Variants in SECISBP2L observed in about 807,000 individuals in gnomAD.
The protein encoded by SECISBP2L is selenocysteine insertion sequence-binding protein 2-like.
In SECISBP2L, 43 loss-of-function variants were observed where a neutral mutation model predicts 114.7. That is an observed-to-expected ratio of 0.38 (90% CI 0.29 to 0.48). The LOEUF (loss-of-function observed/expected upper bound fraction) is 0.48. Among genes scored for constraint, SECISBP2L ranks in the 20% least tolerant of loss-of-function variants. The pLI, the probability that SECISBP2L is intolerant of heterozygous loss-of-function variation, is 0.98. For synonymous variants in SECISBP2L, 451 were observed against 439.7 expected, an observed-to-expected ratio of 1.03 and a Z score of -0.32; for missense variants, 1,136 against 1,301.1, an observed-to-expected ratio of 0.87 and a Z score of 1.95.
chr15:49,027,669 C>T (rs1391668620), intron 6 of SECISBP2L, among the ~76,000 whole-genome samples, 189 bp from the exon 7 acceptor site: 3 of 148,690 alleles, frequency 2.0e-5, no homozygotes, highest in African/African-American at 7.5e-5. Flanking sequence ...AGTGCAGTGG[C>T]GAGATCTTGG....
chr15:49,044,685 A>G (rs1483063161), intron 1 of SECISBP2L, among the ~76,000 whole-genome samples: 2 of 152,208 alleles, frequency 1.3e-5, no homozygotes, highest in East Asian at 1.9e-4. Flanking sequence ...CAAGGTTTTA[A>G]TAGGTCGTGG....
intron 15 of SECISBP2L, 107 bp downstream of exon 15, chr15:49,000,770 G>GC: frequency 1.1e-6 from 1 of 871,818 alleles, no homozygotes; most frequent in Non-Finnish European, 1.7e-6. Flanking sequence ...CTCCAATATT[G>GC]TTTTATACCT....
rs1901986416 is a variant in SECISBP2L, at chr15:48,991,989, CTTCTTT to C, written c.*249_*254del. On this transcript the variant is annotated 3_prime_UTR_variant, in exon 18 of 18. Transcript: ENST00000559471. ...AAATTTATTTTCTTTAAGATCTGGT[CTTCTTT>C]TTATCACTGTTTTTGATTACAAAAT... 2.8e-6 allele frequency: 1 copy of C among 358,866 alleles called. No individual in the cohort carries two copies. The highest frequency in any genetic ancestry group is 5.0e-6 in the Non-Finnish European group (1 of 200,004). 22.2% of individuals were successfully genotyped at this position (358,866 alleles called of 1,614,324 possible).
intron 9 of SECISBP2L, 41 bp from the exon 10 acceptor site, chr15:49,017,056 A>T (rs770601517): frequency 6.3e-7 from 1 of 1,592,974 alleles, no homozygotes; most frequent in South Asian, 1.1e-5. Flanking sequence ...GTGATCCCAT[A>T]AAAGTCAATC....
chr15:49,035,684 A>T, intron 2 of SECISBP2L, 26 bp from the exon 3 acceptor site: 1 of 1,577,646 alleles, frequency 6.3e-7, no homozygotes, highest in Non-Finnish European at 8.6e-7. Context: ...AAAGAAGAAC[A>T]AATCTATTGA....
intron 11 of SECISBP2L, among the ~76,000 whole-genome samples, chr15:49,013,462 A>G (rs963584236): frequency 8.6e-5 from 13 of 152,006 alleles, no homozygotes; most frequent in African/African-American, 3.1e-4. Flanking sequence ...ACGCCCAGCT[A>G]ATTTTGGTAT....
intron 14 of SECISBP2L, among the ~76,000 whole-genome samples, chr15:49,002,596 T>G (rs942498564): frequency 1.3e-5 from 2 of 152,208 alleles, no homozygotes; most frequent in African/African-American, 4.8e-5. Context: ...TTTTATGTTT[T>G]AAGCCATTAA....
Position 49,011,778 on chromosome 15 carries a change from T to G in SECISBP2L, c.1817A>C (p.His606Pro). 6 of 1,614,104 alleles carry G rather than the reference T, an allele frequency of 3.7e-6. No individual in the cohort carries two copies. The highest frequency in any genetic ancestry group is 5.1e-6 in the Non-Finnish European group (6 of 1,179,982). The change falls in exon 13 of 18, where the codon CAC (histidine) becomes CCC (proline). Residue 606 changes from histidine to proline, a missense_variant. Physicochemically the swap from His to Pro is moderately conservative, Grantham distance 77. Around this residue, in one of 2 missense-constraint regions of SECISBP2L, gnomAD observed 684 missense variants for 848.7 expected, o/e 0.81. Transcript: ENST00000559471. ...LLGSEEPTEM[H>P]LDFIDDLPQE... ...TGGCAAGTCATCAATAAAATCTAAGTGCATTTCTGTTGGTTCCTCGGATCC... is the reference window on the plus strand; with the variant it reads ...TGGCAAGTCATCAATAAAATCTAAGGGCATTTCTGTTGGTTCCTCGGATCC...
In SECISBP2L at chr15:48,992,859, T is replaced by C; in HGVS notation, c.2691A>G (p.Val897=). The change falls in exon 18 of 18, where the codon GTA becomes GTG. Residue 897 remains valine (V), a synonymous_variant. Transcript: ENST00000559471. ...GLEASENEKE[V]SCKHSTSEKP... ...TTTCAGAAGTGCTGTGCTTACAGGA[T>C]ACCTCTTTCTCATTTTCTGATGCTT... 2 of 1,614,212 alleles carry C rather than the reference T, an allele frequency of 1.2e-6. No individual in the cohort carries two copies. The highest frequency in any genetic ancestry group is 3.3e-4 in the Middle Eastern group (2 of 6,062).
chr15:49,045,885 C>G (rs1273196955), intron 1 of SECISBP2L, among the ~76,000 whole-genome samples: 1 of 152,200 alleles, frequency 6.6e-6, no homozygotes, highest in South Asian at 2.1e-4. Flanking sequence ...TACAGTCTTT[C>G]TGGGTGAGAA....
At chr15:49,001,160 G>T in intron 14 of SECISBP2L, 63 bp from the exon 15 acceptor site, 1 of 1,028,574 alleles carries the variant, frequency 9.7e-7, no homozygotes, top group Non-Finnish European at 1.4e-6. Flanking sequence ...TTATAAAACT[G>T]CATTAAGAAA....
intron 14 of SECISBP2L, among the ~76,000 whole-genome samples, chr15:49,006,023 G>T (rs1411384737): frequency 1.3e-5 from 2 of 152,062 alleles, no homozygotes; most frequent in Non-Finnish European, 2.9e-5. Flanking sequence ...GCTTAGTTTG[G>T]CTGAATTTGA....
Position 49,046,326 on chromosome 15 carries a change from G to A in SECISBP2L, c.-27C>T. 6.5e-7 allele frequency: 1 copy of A among 1,532,418 alleles called. No homozygotes were observed. The highest frequency in any genetic ancestry group is 8.8e-7 in the Non-Finnish European group (1 of 1,138,994). The allele number at this position is 1,532,418 out of a possible 1,614,324, so 94.9% of individuals were successfully genotyped here. On this transcript the variant is annotated 5_prime_UTR_variant, in exon 1 of 18. Transcript: ENST00000559471. Reference sequence around the variant, plus strand: ...GTGCCTGCAGCCGCAACGGGCCCGCGCTAGTCGGTGTAAACAGCGCCTCGG... The same window carrying A: ...GTGCCTGCAGCCGCAACGGGCCCGCACTAGTCGGTGTAAACAGCGCCTCGG...
At chr15:49,017,200 A>G in intron 9 of SECISBP2L, 185 bp from the exon 10 acceptor site, 1 of 625,164 alleles carries the variant, frequency 1.6e-6, no homozygotes, top group South Asian at 2.3e-5. Context: ...AAGGGACAAA[A>G]CAGCTTAATG....
At chr15:49,011,617 T>A (rs1016185426) in intron 13 of SECISBP2L, 114 bp downstream of exon 13, 6 of 1,221,758 alleles carry the variant, frequency 4.9e-6, no homozygotes, top group Non-Finnish European at 3.4e-6. Flanking sequence ...AAGAGATTTA[T>A]GTAAAATATG....
intron 7 of SECISBP2L, among the ~76,000 whole-genome samples, chr15:49,025,499 TTG>T (rs1902723143): frequency 6.6e-6 from 1 of 152,166 alleles, no homozygotes; most frequent in South Asian, 2.1e-4. Flanking sequence ...TTAAACAAAG[TTG>T]TGTTAAGTAC....
chr15:49,009,504 T>A, intron 13 of SECISBP2L, 126 bp from the exon 14 acceptor site: 1 of 828,934 alleles, frequency 1.2e-6, no homozygotes, highest in African/African-American at 1.7e-5. Flanking sequence ...CAGAAGCTAA[T>A]AAGGTGGGCA....
At chr15:48,993,124 T>G (rs1334850424) in intron 17 of SECISBP2L, among the ~76,000 whole-genome samples, 198 bp from the exon 18 acceptor site, 1 of 151,596 alleles carries the variant, frequency 6.6e-6, no homozygotes, top group African/African-American at 2.4e-5. Context: ...TGTGTGTGTG[T>G]GTGTGTGTGT....
In SECISBP2L at chr15:49,009,346, G is replaced by C. The variant is rs771772084; in HGVS notation, c.1897C>G (p.Leu633Val). Residue 633 changes from leucine (L) to valine (V), a missense_variant, in exon 14 of 18, where the codon CTC (leucine) becomes GTC (valine). Around this residue, in one of 2 missense-constraint regions of SECISBP2L, gnomAD observed 684 missense variants for 848.7 expected, o/e 0.81. Transcript: ENST00000559471. Reference protein sequence around the residue: ...TGLSMPSDTSLSPASQNSPYC... With the variant: ...TGLSMPSDTSVSPASQNSPYC... Reference sequence around the variant, plus strand: ...GGAGAGTTCTGACTTGCTGGAGAGAGTGAAGTATCACTGGGCATGCTTAGT... The same window carrying C: ...GGAGAGTTCTGACTTGCTGGAGAGACTGAAGTATCACTGGGCATGCTTAGT... 1 of 1,614,094 alleles carries C rather than the reference G, an allele frequency of 6.2e-7. No individual in the cohort carries two copies. The highest frequency in any genetic ancestry group is 8.5e-7 in the Non-Finnish European group (1 of 1,179,986).
Sources: gnomAD v4.1 joint callset for allele counts (sites outside exome capture counted in the v4.1 genomes callset) on GRCh38, gnomAD v4.1.1 for gene constraint, gnomAD v4.1.1 regional missense constraint, MANE v1.5 for transcripts, NCBI Gene and HGNC (gene_info 2026-07-23, HGNC 2026-07-21) for gene names.